The following FAT3 variants were observed in gnomAD, a reference collection of about 807,000 sequenced individuals.
The protein encoded by FAT3 is FAT atypical cadherin 3, also known as protocadherin Fat 3.
In FAT3, 95 loss-of-function variants were observed where a neutral mutation model predicts 310.2. The ratio of observed to expected loss-of-function variants is 0.31; its 90% CI spans 0.26 to 0.36. The LOEUF (loss-of-function observed/expected upper bound fraction) is 0.36, where lower values mean the gene tolerates loss of function less well. Ranked by LOEUF, FAT3 falls within the 10% of genes least tolerant of loss-of-function variation. FAT3 has a pLI of 1.00. For synonymous variants in FAT3, 2,314 were observed against 2,192.9 expected (o/e 1.06, Z -1.54); for missense variants, 5,408 against 5,715.6 (o/e 0.95, Z 1.74).
rs748130533 is a variant in FAT3 at position 92,764,988 on chromosome 11, C to T, written c.4094C>T (p.Pro1365Leu). 7.4e-6 allele frequency: 12 copies of T among 1,613,694 alleles called. No individual in the cohort carries two copies. The highest frequency in any genetic ancestry group is 1.1e-5 in the South Asian group (1 of 91,070). ...CCTATACCATTGACCTTCGATGAGCCGTTTTATAACTTCACAGTCATGGAA... is the reference window on the plus strand; with the variant it reads ...CCTATACCATTGACCTTCGATGAGCTGTTTTATAACTTCACAGTCATGGAA... ...PSPIPLTFDE[P>L]FYNFTVMESD... The change falls in exon 6 of 28, where the codon CCG (proline) becomes CTG (leucine). Residue 1365 changes from proline (P) to leucine (L), a missense_variant. Transcript: ENST00000525166.
intron 9 of FAT3, among the ~76,000 whole-genome samples, chr11:92,796,368 C>G (rs1199077762): frequency 6.6e-6 from 1 of 152,054 alleles, no homozygotes; most frequent in Non-Finnish European, 1.5e-5. Flanking sequence ...TCAAAATGAC[C>G]TCTTTATTAG....
At chr11:92,539,563 A>G (rs1433601057) in intron 3 of FAT3, among the ~76,000 whole-genome samples, 5 of 152,122 alleles carry the variant, frequency 3.3e-5, no homozygotes, top group Admixed American at 6.6e-5. Context: ...AAAACAGGAA[A>G]CTTCTCAGGC....
At chr11:92,567,958 G>A (rs1207688930) in intron 3 of FAT3, among the ~76,000 whole-genome samples, 1 of 151,948 alleles carries the variant, frequency 6.6e-6, no homozygotes, top group Non-Finnish European at 1.5e-5. Flanking sequence ...GAGCTAGTGG[G>A]TGCAGTGCAC....
intron 1 of FAT3, among the ~76,000 whole-genome samples, chr11:92,297,805 G>A (rs1278149210): frequency 1.3e-5 from 2 of 152,152 alleles, no homozygotes; most frequent in Non-Finnish European, 2.9e-5. Flanking sequence ...AGTGGACTCT[G>A]TGAGGATGCA....
intron 2 of FAT3, among the ~76,000 whole-genome samples, chr11:92,419,315 A>G (rs920313816): frequency 4.6e-5 from 7 of 152,186 alleles, no homozygotes; most frequent in Non-Finnish European, 8.8e-5. Flanking sequence ...TTTGTGTAGC[A>G]TTCTTAAATG....
intron 3 of FAT3, among the ~76,000 whole-genome samples, chr11:92,584,825 G>GA (rs1316073369): frequency 2.6e-5 from 4 of 151,726 alleles, no homozygotes; most frequent in Non-Finnish European, 5.9e-5. Flanking sequence ...TTCAAGGATT[G>GA]AAAAAAAGAA....
At chr11:92,601,330 C>A (rs1402685497) in intron 3 of FAT3, among the ~76,000 whole-genome samples, 1 of 151,188 alleles carries the variant, frequency 6.6e-6, no homozygotes, top group Non-Finnish European at 1.5e-5. Flanking sequence ...GAAGCTGAGG[C>A]GGGCAGATCA....
rs966360456 is a variant in FAT3, at chr11:92,801,027, A to G, written c.8014A>G (p.Thr2672Ala). 2 of 1,613,804 alleles carry G rather than the reference A, an allele frequency of 1.2e-6. No individual in the cohort carries two copies. The highest frequency in any genetic ancestry group is 2.2e-5 in the East Asian group (1 of 44,824). Reference protein sequence around the residue: ...TKGNFNQLKNTVLSFFVKAVD... With the variant: ...TKGNFNQLKNAVLSFFVKAVD... ...GGGTAATTTTAACCAGCTGAAAAAT[A>G]CAGTGCTTTCGTTCTTTGTCAAAGC... is the stretch of plus-strand genomic sequence containing the variant. Residue 2672 changes from threonine to alanine, a missense_variant, in exon 10 of 28, where the codon ACA becomes GCA. Physicochemically the swap from Thr to Ala is moderately conservative, Grantham distance 58. Around this residue, in one of 5 missense-constraint regions of FAT3, gnomAD observed 4,588 missense variants for 4,809.8 expected, o/e 0.95. Coordinates refer to ENST00000525166, the MANE Select transcript of FAT3 (RefSeq NM_001367949.2).
In FAT3 at chr11:92,584,187, A is replaced by G. The variant is rs910748814; in HGVS notation, c.3607+59239A>G. Among the ~76,000 whole-genome samples the G allele has an allele frequency of 3.3e-5, 5 of 151,946 alleles. No individual in the cohort carries two copies. In the East Asian group the frequency reaches 9.7e-4, roughly 29 times the overall value. ...GACAGCTATTACTGTTGTACCTGTTATATGTGTTTGAGATCAGGTGCGCCG... is the reference window on the plus strand; with the variant it reads ...GACAGCTATTACTGTTGTACCTGTTGTATGTGTTTGAGATCAGGTGCGCCG... On this transcript the variant is annotated intron_variant, in intron 3 of 27. Transcript: ENST00000525166.
chr11:92,565,456 G>C (rs1955396231), intron 3 of FAT3, among the ~76,000 whole-genome samples: 1 of 140,644 alleles, frequency 7.1e-6, no homozygotes, highest in African/African-American at 2.6e-5. Flanking sequence ...TCTACCAGAG[G>C]TACAAGGAGG....
At chr11:92,316,638 C>T (rs1439640910) in intron 1 of FAT3, among the ~76,000 whole-genome samples, 1 of 152,040 alleles carries the variant, frequency 6.6e-6, no homozygotes, top group Non-Finnish European at 1.5e-5. Flanking sequence ...AAAATGCATA[C>T]AAGAATAAAT....
chr11:92,344,892 C>A (rs1352348022), intron 1 of FAT3, among the ~76,000 whole-genome samples: 7 of 152,084 alleles, frequency 4.6e-5, no homozygotes, highest in African/African-American at 1.7e-4. Context: ...ATCTACTGTG[C>A]TTTCATATGG....
chr11:92,352,548 A>G lies in FAT3; in HGVS notation c.436A>G (p.Ile146Val). The G allele has an allele frequency of 1.2e-6, 2 of 1,613,788 alleles. No homozygotes were observed. The highest frequency in any genetic ancestry group is 8.5e-7 in the Non-Finnish European group (1 of 1,179,826). Reference protein sequence around the residue: ...EDLEAWTKVNIQVLDMNDLRP... With the variant: ...EDLEAWTKVNVQVLDMNDLRP... Reference sequence around the variant, plus strand: ...TTTGGAAGCATGGACCAAAGTGAATATACAGGTTTTAGATATGAATGATCT... The same window carrying G: ...TTTGGAAGCATGGACCAAAGTGAATGTACAGGTTTTAGATATGAATGATCT... The change falls in exon 2 of 28, where the codon ATA (isoleucine) becomes GTA (valine). Residue 146 changes from isoleucine (I) to valine (V), a missense_variant. By Grantham distance (29) the Ile-to-Val change is conservative. Around this residue, in one of 5 missense-constraint regions of FAT3, gnomAD observed 152 missense variants for 188.3 expected, o/e 0.81. Coordinates refer to ENST00000525166, the MANE Select transcript of FAT3 (RefSeq NM_001367949.2).
At chr11:92,516,390 C>T (rs1266295552) in intron 2 of FAT3, among the ~76,000 whole-genome samples, 1 of 152,130 alleles carries the variant, frequency 6.6e-6, no homozygotes, top group Non-Finnish European at 1.5e-5. Context: ...ACAAAAACCA[C>T]ATGGTTATCT....
intron 2 of FAT3, among the ~76,000 whole-genome samples, chr11:92,424,486 C>A (rs1591269794): frequency 6.6e-6 from 1 of 152,076 alleles, no homozygotes; most frequent in East Asian, 1.9e-4. Context: ...CAGAATAAAC[C>A]ATGAAGGGTT....
At chr11:92,412,702 G>GAT (rs758587642) in intron 2 of FAT3, among the ~76,000 whole-genome samples, 153 of 13,440 alleles carry the variant, frequency 0.011, 8 homozygotes, top group South Asian at 0.041. Flanking sequence ...TGATGGTGGT[G>GAT]ATATATATAT....
intron 3 of FAT3, among the ~76,000 whole-genome samples, chr11:92,572,045 T>A (rs77479065): frequency 0.011 from 1,695 of 152,282 alleles, 24 homozygotes; most frequent in African/African-American, 0.028. Flanking sequence ...CATGTACTCT[T>A]TTGTTCATTT....
intron 1 of FAT3, among the ~76,000 whole-genome samples, chr11:92,302,496 T>G (rs142260089): frequency 1.1e-3 from 166 of 152,186 alleles, no homozygotes; most frequent in African/African-American, 3.9e-3. Context: ...TTGGCACCAT[T>G]TATTTGTATA....
At chr11:92,345,799 TA>T in intron 1 of FAT3, among the ~76,000 whole-genome samples, 1 of 149,590 alleles carries the variant, frequency 6.7e-6, no homozygotes, top group East Asian at 2.0e-4. Context: ...TTTAGCTTTC[TA>T]ATAGGCAAGC....
Sources: allele counts gnomAD v4.1 joint callset (sites outside exome capture counted in the v4.1 genomes callset), GRCh38; gene constraint gnomAD v4.1.1; regional missense constraint gnomAD v4.1.1; transcripts MANE v1.5; gene names NCBI Gene and HGNC (gene_info 2026-07-23, HGNC 2026-07-21).